The following AUTS2 variants were observed in gnomAD, a reference collection of about 807,000 sequenced individuals.
AUTS2 encodes the protein activator of transcription and developmental regulator AUTS2.
AUTS2 carries 17 observed loss-of-function variants against 112.4 expected under a neutral mutation model. The observed-to-expected ratio is 0.15, with a 90% CI of 0.10 to 0.23. AUTS2 has a LOEUF of 0.23. Among genes scored for constraint, AUTS2 ranks in the 10% least tolerant of loss-of-function variants. The probability of loss-of-function intolerance (pLI) is 1.00; values close to 1 mark genes in which losing one functional copy is unlikely to be tolerated. For missense variants in AUTS2, 1,510 were observed against 1,701.6 expected, an observed-to-expected ratio of 0.89 and a Z score of 1.98; for synonymous variants, 751 against 702.7, an observed-to-expected ratio of 1.07 and a Z score of -1.09.
At chr7:69,628,199 G>A (rs1191336736) in intron 1 of AUTS2, among the ~76,000 whole-genome samples, 1 of 152,200 alleles carries the variant, frequency 6.6e-6, no homozygotes, top group Non-Finnish European at 1.5e-5. Flanking sequence ...AAGTGTGAGA[G>A]GGTGCAGAGC....
At chr7:69,963,847 A>G (rs1797526409) in intron 2 of AUTS2, among the ~76,000 whole-genome samples, 1 of 152,230 alleles carries the variant, frequency 6.6e-6, no homozygotes, top group South Asian at 2.1e-4. Context: ...GTAACCACTG[A>G]GTGATGCATT....
intron 5 of AUTS2, among the ~76,000 whole-genome samples, chr7:70,641,936 A>G (rs1219500495): frequency 6.6e-6 from 1 of 152,200 alleles, no homozygotes; most frequent in Non-Finnish European, 1.5e-5. Flanking sequence ...TTCCCCTAGT[A>G]TCAGATAGCT....
intron 5 of AUTS2, among the ~76,000 whole-genome samples, chr7:70,535,100 T>TA (rs1453287810): frequency 6.6e-6 from 1 of 151,644 alleles, no homozygotes; most frequent in Non-Finnish European, 1.5e-5. Context: ...ATTCTGATGA[T>TA]ACCTGGGCTA....
intron 4 of AUTS2, among the ~76,000 whole-genome samples, chr7:70,317,430 C>T (rs1790047815): frequency 6.6e-6 from 1 of 152,128 alleles, no homozygotes; most frequent in African/African-American, 2.4e-5. Context: ...TTGAGCATTC[C>T]ATGTTGGCTC....
Position 69,599,350 on chromosome 7 carries a change from A to G in AUTS2, c.-304A>G, listed in dbSNP as rs1792238518. The G allele has an allele frequency of 3.2e-6, 1 of 310,780 alleles. No individual in the cohort carries two copies. 19.3% of individuals were successfully genotyped at this position (310,780 alleles called of 1,614,324 possible). A position where few individuals can be genotyped will look rare whatever the true frequency, so the allele number is the denominator to read the frequency against. On this transcript the variant is annotated 5_prime_UTR_variant, in exon 1 of 19. Transcript: ENST00000342771. The surrounding 1 kb of genome is among the most constrained non-coding windows in gnomAD (Gnocchi z 7.0). Reference sequence around the variant, plus strand: ...AAGGAGACCTGTGTGTTCAGCCATTACTTTGCTCGGCGCTGCTCCCAGGCA... The same window carrying G: ...AAGGAGACCTGTGTGTTCAGCCATTGCTTTGCTCGGCGCTGCTCCCAGGCA...
chr7:70,498,273 A>G (rs1382731940), intron 5 of AUTS2, among the ~76,000 whole-genome samples: 1 of 152,038 alleles, frequency 6.6e-6, no homozygotes, highest in Non-Finnish European at 1.5e-5. Flanking sequence ...GTATTTGAAA[A>G]CTTCTTAAAT....
chr7:70,363,028 C>T (rs1158233421), intron 4 of AUTS2, among the ~76,000 whole-genome samples: 2 of 152,356 alleles, frequency 1.3e-5, no homozygotes, highest in Non-Finnish European at 1.5e-5. Flanking sequence ...AATATTCTCT[C>T]AGTCTTTCCC....
At chr7:70,324,193 T>A (rs1028511541) in intron 4 of AUTS2, among the ~76,000 whole-genome samples, 2 of 152,172 alleles carry the variant, frequency 1.3e-5, no homozygotes, top group African/African-American at 4.8e-5. Context: ...GAAAATGATG[T>A]AAAAGGATTT....
At chr7:70,495,090 T>C (rs981430089) in intron 5 of AUTS2, among the ~76,000 whole-genome samples, 7 of 152,104 alleles carry the variant, frequency 4.6e-5, no homozygotes, top group African/African-American at 1.7e-4. Context: ...TTTATATAAA[T>C]AGACAAGTAG....
chr7:70,744,404 A>G (rs565946253), intron 6 of AUTS2, among the ~76,000 whole-genome samples: 1 of 152,114 alleles, frequency 6.6e-6, no homozygotes, highest in Non-Finnish European at 1.5e-5. Context: ...CCTCTGTTTC[A>G]TCTTGCCTTT....
chr7:70,698,575 G>C lies in AUTS2; in HGVS notation c.697G>C (p.Asp233His). 1.2e-6 allele frequency: 2 copies of C among 1,606,530 alleles called. No individual in the cohort carries two copies. The highest frequency in any genetic ancestry group is 1.7e-6 in the Non-Finnish European group (2 of 1,176,498). ...CCCCCTTCTTGTTTTTCAGGCATCA[G>C]ATGCCAGCTCTGAAAAACTCTTCAA... ...SDSDQEEKAS[D>H]ASSEKLFNTV... is the part of the protein sequence containing the mutation. Residue 233 changes from aspartate (D) to histidine (H), a missense_variant, in exon 6 of 19, where the codon GAT (aspartate) becomes CAT (histidine). Physicochemically the swap from Asp to His is moderately conservative, Grantham distance 81. Transcript: ENST00000342771.
At chr7:70,250,230 ACT>A (rs1562821278) in intron 4 of AUTS2, among the ~76,000 whole-genome samples, 2 of 152,074 alleles carry the variant, frequency 1.3e-5, no homozygotes, top group East Asian at 3.9e-4. Flanking sequence ...CTAAACTTGG[ACT>A]CAGTTACAAA....
intron 5 of AUTS2, among the ~76,000 whole-genome samples, chr7:70,640,901 C>T (rs930637138): frequency 3.9e-5 from 6 of 152,194 alleles, no homozygotes; most frequent in African/African-American, 9.7e-5. Context: ...CAGCAGCTTC[C>T]AGTCTCATCT....
At chr7:69,672,449 AT>A (rs1472077150) in intron 1 of AUTS2, among the ~76,000 whole-genome samples, 1 of 152,210 alleles carries the variant, frequency 6.6e-6, no homozygotes, top group African/African-American at 2.4e-5. Context: ...CACAACGGTG[AT>A]TTGTGAACAG....
intron 4 of AUTS2, among the ~76,000 whole-genome samples, chr7:70,139,684 A>T (rs2129575286): frequency 6.6e-6 from 1 of 152,260 alleles, no homozygotes; most frequent in East Asian, 1.9e-4. Flanking sequence ...TACTACACAA[A>T]TTTCAACAAA....
rs117228958 is a variant in AUTS2 at position 70,481,800 on chromosome 7, T to C, written c.690+46019T>C. 7.2e-3 allele frequency among the ~76,000 whole-genome samples: 1,094 copies of C among 152,310 alleles called. 5 individuals carry two copies. Among genetic ancestry groups the C allele is most frequent in the Non-Finnish European group, 0.012 (813 of 68,026 alleles). ...GATGAGGTTAAAGACTGGCTTGCCA[T>C]TGTGGAGGCACGATTGCTTAGGGGT... On this transcript the variant is annotated intron_variant, in intron 5 of 18. Coordinates refer to ENST00000342771, the MANE Select transcript of AUTS2 (RefSeq NM_015570.4).
chr7:70,184,963 C>A (rs1809520667), intron 4 of AUTS2, among the ~76,000 whole-genome samples: 1 of 152,110 alleles, frequency 6.6e-6, no homozygotes, highest in Non-Finnish European at 1.5e-5. Context: ...TATGAAAATG[C>A]ACCAAATATG....
chr7:70,231,185 A>G (rs563064528), intron 4 of AUTS2, among the ~76,000 whole-genome samples: 1 of 152,118 alleles, frequency 6.6e-6, no homozygotes, highest in Non-Finnish European at 1.5e-5. Context: ...TCACTCAGCC[A>G]TTTTGGAAGG....
intron 1 of AUTS2, among the ~76,000 whole-genome samples, chr7:69,892,864 A>T (rs946090772): frequency 6.6e-6 from 1 of 152,238 alleles, no homozygotes; most frequent in Non-Finnish European, 1.5e-5. Context: ...TCTCTGTAGA[A>T]TAGCTTTTGC....
Sources: allele counts gnomAD v4.1 joint callset (sites outside exome capture counted in the v4.1 genomes callset), GRCh38; gene constraint gnomAD v4.1.1; non-coding constraint Gnocchi (gnomAD v3.1); transcripts MANE v1.5; gene names NCBI Gene and HGNC (gene_info 2026-07-23, HGNC 2026-07-21).